The following USP47 variants were observed in gnomAD, a reference collection of about 807,000 sequenced individuals.
The protein encoded by USP47 is ubiquitin specific peptidase 47.
A neutral mutation model predicts 165.1 loss-of-function variants in USP47; 35 were observed. The observed-to-expected ratio is 0.21, with a 90% CI of 0.16 to 0.28. The LOEUF (loss-of-function observed/expected upper bound fraction) is 0.28, where lower values mean the gene tolerates loss of function less well. Among genes scored for constraint, USP47 ranks in the 10% least tolerant of loss-of-function variants. USP47 has a pLI of 1.00. For synonymous variants in USP47, 531 were observed against 544.5 expected, an observed-to-expected ratio of 0.98 and a Z score of 0.35; for missense variants, 1,277 against 1,607.4, an observed-to-expected ratio of 0.79 and a Z score of 3.52.
At chr11:11,922,491 T>A (rs2134613356) in intron 10 of USP47, among the ~76,000 whole-genome samples, 1 of 151,952 alleles carries the variant, frequency 6.6e-6, no homozygotes, top group East Asian at 1.9e-4. Flanking sequence ...AATCACTAAT[T>A]TGTTGTATTA....
intron 5 of USP47, among the ~76,000 whole-genome samples, chr11:11,897,936 A>G (rs1851946352): frequency 6.6e-6 from 1 of 152,130 alleles, no homozygotes; most frequent in Non-Finnish European, 1.5e-5. Flanking sequence ...ATTTACATGT[A>G]GGGTAAAAAG....
intron 1 of USP47, among the ~76,000 whole-genome samples, chr11:11,870,110 C>CTTTTA (rs1849943473): frequency 7.0e-6 from 1 of 143,786 alleles, no homozygotes; most frequent in Non-Finnish European, 1.5e-5. Flanking sequence ...ACTTGTTTTC[C>CTTTTA]TGTGGGTTAT....
At chr11:11,885,826 A>G (rs1185901069) in intron 3 of USP47, among the ~76,000 whole-genome samples, 1 of 152,168 alleles carries the variant, frequency 6.6e-6, no homozygotes, top group Non-Finnish European at 1.5e-5. Flanking sequence ...AACTTCCTGC[A>G]GGTGCATTCA....
intron 1 of USP47, among the ~76,000 whole-genome samples, chr11:11,844,166 G>A (rs1165341258): frequency 6.6e-6 from 1 of 151,890 alleles, no homozygotes; most frequent in Non-Finnish European, 1.5e-5. Context: ...CAAATTCTTT[G>A]ACTTTTTTTT....
chr11:11,925,547 A>G (rs1422590768), intron 11 of USP47, among the ~76,000 whole-genome samples: 1 of 151,948 alleles, frequency 6.6e-6, no homozygotes, highest in Non-Finnish European at 1.5e-5. Context: ...TTAGTGAAAC[A>G]ATAAATTGTT....
chr11:11,897,537 T>A (rs1427116733), intron 4 of USP47, 60 bp from the exon 5 acceptor site: 2 of 1,217,616 alleles, frequency 1.6e-6, no homozygotes, highest in Non-Finnish European at 2.3e-6. Flanking sequence ...ATTCTTATTA[T>A]GTTTTTGTTA....
At chr11:11,860,230 A>G (rs1590239585) in intron 1 of USP47, among the ~76,000 whole-genome samples, 1 of 151,766 alleles carries the variant, frequency 6.6e-6, no homozygotes, top group Admixed American at 6.6e-5. Flanking sequence ...GCTCACCACA[A>G]CCTCTGCTTC....
At chr11:11,919,920 G>A (rs1282143846) in intron 8 of USP47, among the ~76,000 whole-genome samples, 2 of 151,790 alleles carry the variant, frequency 1.3e-5, no homozygotes, top group African/African-American at 4.8e-5. Flanking sequence ...TGAAATGACT[G>A]TGATACTGCA....
intron 1 of USP47, among the ~76,000 whole-genome samples, chr11:11,845,372 A>G (rs1848369855): frequency 6.6e-6 from 1 of 152,072 alleles, no homozygotes; most frequent in Non-Finnish European, 1.5e-5. Flanking sequence ...TTCCATAAGT[A>G]CCTCATATCT....
intron 2 of USP47, among the ~76,000 whole-genome samples, chr11:11,882,884 A>G (rs1298838537): frequency 2.0e-5 from 3 of 152,160 alleles, no homozygotes; most frequent in Admixed American, 6.6e-5. Flanking sequence ...ATCTTCCACA[A>G]TAGCTTTAAA....
intron 17 of USP47, among the ~76,000 whole-genome samples, 181 bp downstream of exon 17, chr11:11,936,691 A>G (rs1855097537): frequency 1.3e-5 from 2 of 151,936 alleles, no homozygotes; most frequent in Non-Finnish European, 2.9e-5. Context: ...GATTACTTGC[A>G]AAGAGTTGTG....
chr11:11,918,236 CA>C (rs1853573244), intron 8 of USP47, among the ~76,000 whole-genome samples: 2 of 152,002 alleles, frequency 1.3e-5, no homozygotes, highest in African/African-American at 4.8e-5. Context: ...ACCCAAATTG[CA>C]GAACATTTTA....
intron 17 of USP47, among the ~76,000 whole-genome samples, chr11:11,937,446 T>C (rs983507521): frequency 2.6e-5 from 4 of 151,894 alleles, no homozygotes; most frequent in African/African-American, 9.7e-5. Context: ...AGGTTAGATG[T>C]AGTATTCTTT....
chr11:11,858,432 A>G (rs1377839681), intron 1 of USP47, among the ~76,000 whole-genome samples: 2 of 152,084 alleles, frequency 1.3e-5, no homozygotes, highest in Non-Finnish European at 2.9e-5. Context: ...TAAGGCATAC[A>G]GTTTTGTAAG....
intron 20 of USP47, among the ~76,000 whole-genome samples, chr11:11,946,723 C>T (rs1855867611): frequency 6.6e-6 from 1 of 151,600 alleles, no homozygotes; most frequent in Non-Finnish European, 1.5e-5. Flanking sequence ...TAGAGGGGCA[C>T]TCCTTAAAGC....
At chr11:11,901,097 A>G (rs946383962) in intron 5 of USP47, among the ~76,000 whole-genome samples, 6 of 152,196 alleles carry the variant, frequency 3.9e-5, no homozygotes, top group Non-Finnish European at 8.8e-5. Flanking sequence ...TTGAGAAGAA[A>G]AAGGTGAAAT....
chr11:11,920,658 C>G (rs113761088), intron 10 of USP47, among the ~76,000 whole-genome samples, 164 bp downstream of exon 10: 127 of 151,818 alleles, frequency 8.4e-4, no homozygotes, highest in African/African-American at 2.9e-3. Context: ...AAATGATTTA[C>G]CTTTGTATAA....
chr11:11,918,652 A>G (rs1264029630), intron 8 of USP47, among the ~76,000 whole-genome samples: 3 of 152,046 alleles, frequency 2.0e-5, no homozygotes, highest in Non-Finnish European at 4.4e-5. Context: ...TGAGTAAAGT[A>G]TTTGAGAGTT....
chr11:11,940,446 T>C lies in USP47; in HGVS notation c.2211T>C (p.Ala737=), dbSNP rs912511846. Residue 737 remains alanine, a synonymous_variant, in exon 19 of 28, where the codon GCT becomes GCC. Transcript: ENST00000527733. ...CATTATAGGCCATCCATTTACCTGC[T>C]GAAACAATGAGAATAGTGCTGGAAC... ...QLISKAIHLP[A]ETMRIVLERC... 3.7e-6 allele frequency: 6 copies of C among 1,609,912 alleles called. No individual in the cohort carries two copies. Among genetic ancestry groups the C allele is most frequent in the Non-Finnish European group, 5.1e-6 (6 of 1,177,544 alleles).
Sources: gnomAD v4.1 joint callset for allele counts (sites outside exome capture counted in the v4.1 genomes callset) on GRCh38, gnomAD v4.1.1 for gene constraint, MANE v1.5 for transcripts, NCBI Gene and HGNC (gene_info 2026-07-23, HGNC 2026-07-21) for gene names.